Variants in RANBP2 observed in about 807,000 individuals in gnomAD.
RANBP2 encodes E3 SUMO-protein ligase RanBP2.
RANBP2 carries 57 observed loss-of-function variants against 303.6 expected under a neutral mutation model. That is an observed-to-expected ratio of 0.19 (90% CI 0.15 to 0.23). The LOEUF (loss-of-function observed/expected upper bound fraction) is 0.23, where lower values mean the gene tolerates loss of function less well. Ranked by LOEUF, RANBP2 falls within the 10% of genes least tolerant of loss-of-function variation. The pLI is 1.00. For synonymous variants in RANBP2, 1,167 were observed against 1,301.5 expected (o/e 0.90, Z 2.23); for missense variants, 3,138 against 3,780.8 (o/e 0.83, Z 4.46).
chr2:108,791,815 T>C, the RANBP2 span: 3 of 1,567,828 alleles, frequency 1.9e-6, no homozygotes, highest in South Asian at 2.3e-5. Context: ...AAAATAAATA[T>C]TTTAGAACAA....
the RANBP2 span, among the ~76,000 whole-genome samples, chr2:108,796,749 CGT>C: frequency 6.6e-6 from 1 of 151,994 alleles, no homozygotes; most frequent in Non-Finnish European, 1.5e-5. Context: ...TGTTCTCACT[CGT>C]GTGGGGTGGG....
At chr2:109,237,818 A>C in the RANBP2 span, among the ~76,000 whole-genome samples, 1 of 152,376 alleles carries the variant, frequency 6.6e-6, no homozygotes, top group East Asian at 1.9e-4. Context: ...TTCTACACAA[A>C]GTTTCCATTT....
chr2:109,107,734 A>G, the RANBP2 span, among the ~76,000 whole-genome samples: 2 of 152,222 alleles, frequency 1.3e-5, no homozygotes, highest in East Asian at 3.9e-4. Context: ...TTTAACCTGC[A>G]GCAACTTTTT....
the RANBP2 span, among the ~76,000 whole-genome samples, chr2:109,571,833 C>T: frequency 1.3e-5 from 2 of 152,192 alleles, no homozygotes; most frequent in African/African-American, 4.8e-5. Context: ...TGCTCATTAG[C>T]TCTTCCATTT....
the RANBP2 span, among the ~76,000 whole-genome samples, chr2:109,695,094 A>G: frequency 6.6e-6 from 1 of 152,248 alleles, no homozygotes; most frequent in East Asian, 1.9e-4. Flanking sequence ...AGAGAGTTTT[A>G]AAATTTCATT....
the RANBP2 span, among the ~76,000 whole-genome samples, chr2:108,992,796 T>C: frequency 6.6e-6 from 1 of 152,200 alleles, no homozygotes; most frequent in Non-Finnish European, 1.5e-5. Context: ...ACTGGGACTG[T>C]TTTCTGGAAG....
chr2:109,633,282 A>G, the RANBP2 span, among the ~76,000 whole-genome samples: 1 of 151,934 alleles, frequency 6.6e-6, no homozygotes, highest in East Asian at 1.9e-4. Flanking sequence ...AGTCCCAGCT[A>G]CTCGGGAGGC....
chr2:109,079,048 G>A, the RANBP2 span, among the ~76,000 whole-genome samples: 7 of 151,958 alleles, frequency 4.6e-5, no homozygotes, highest in African/African-American at 1.5e-4. Flanking sequence ...ACTGGTAATC[G>A]GTTCACGATG....
chr2:109,480,306 C>T, the RANBP2 span, among the ~76,000 whole-genome samples: 4 of 152,188 alleles, frequency 2.6e-5, no homozygotes, highest in Non-Finnish European at 2.9e-5. Flanking sequence ...CCCACAGCCA[C>T]CCTCTATGAC....
the RANBP2 span, among the ~76,000 whole-genome samples, chr2:109,393,233 C>T: frequency 2.6e-5 from 4 of 152,238 alleles, no homozygotes; most frequent in South Asian, 6.2e-4. Flanking sequence ...GTAAGGCGAA[C>T]GCCCCACAGG....
the RANBP2 span, among the ~76,000 whole-genome samples, chr2:109,636,566 A>C: frequency 1.3e-5 from 2 of 152,172 alleles, no homozygotes; most frequent in African/African-American, 4.8e-5. Context: ...ATGACAACAG[A>C]ATGCAACATG....
the RANBP2 span, among the ~76,000 whole-genome samples, chr2:109,536,709 T>C: frequency 6.2e-4 from 94 of 152,292 alleles, no homozygotes; most frequent in Non-Finnish European, 1.1e-3. Context: ...TGGAATGATA[T>C]GGTTTGGCTG....
the RANBP2 span, among the ~76,000 whole-genome samples, chr2:109,332,175 C>G: frequency 6.0e-3 from 921 of 152,254 alleles, 4 homozygotes; most frequent in South Asian, 0.011. Context: ...GAAGCATCTG[C>G]GGCCCGGAGC....
At chr2:109,256,920 C>T in the RANBP2 span, among the ~76,000 whole-genome samples, 2 of 152,100 alleles carry the variant, frequency 1.3e-5, no homozygotes, top group African/African-American at 2.4e-5. Flanking sequence ...TTTTCATGAA[C>T]GGTGGTGGAT....
the RANBP2 span, among the ~76,000 whole-genome samples, chr2:109,524,189 A>G: frequency 6.6e-6 from 1 of 152,152 alleles, no homozygotes; most frequent in African/African-American, 2.4e-5. Flanking sequence ...ATAAAAACTC[A>G]GGCTCAGGGA....
chr2:108,789,955 A>G (rs1048435635), downstream of RANBP2, among the ~76,000 whole-genome samples: 1 of 152,288 alleles, frequency 6.6e-6, no homozygotes, highest in African/African-American at 2.4e-5. Flanking sequence ...GTATCCATAT[A>G]TAACATGAAA....
At chr2:108,736,914 G>A (rs1168061457) in intron 6 of RANBP2, among the ~76,000 whole-genome samples, 2 of 151,810 alleles carry the variant, frequency 1.3e-5, no homozygotes, top group Non-Finnish European at 2.9e-5. Flanking sequence ...TTTATGTATT[G>A]TCTGTGGCTG....
At chr2:109,679,922 C>T in the RANBP2 span, among the ~76,000 whole-genome samples, 5 of 152,128 alleles carry the variant, frequency 3.3e-5, no homozygotes, top group Non-Finnish European at 4.4e-5. Flanking sequence ...AGGCAAATCG[C>T]CAGTGTGGAC....
chr2:109,347,777 A>G, the RANBP2 span: 6 of 1,614,010 alleles, frequency 3.7e-6, no homozygotes, highest in East Asian at 1.3e-4. Flanking sequence ...CTGCGGCGCA[A>G]GGTGGATGAA....
Sources: allele counts gnomAD v4.1 joint callset (sites outside exome capture counted in the v4.1 genomes callset), GRCh38; gene constraint gnomAD v4.1.1; transcripts MANE v1.5; gene names NCBI Gene and HGNC (gene_info 2026-07-23, HGNC 2026-07-21).